Variants in ZNF462 observed in about 807,000 individuals in gnomAD.
ZNF462 encodes the protein zinc finger PBX1-interacting protein.
ZNF462 carries 10 observed loss-of-function variants against 201.9 expected under a neutral mutation model. That is an observed-to-expected ratio of 0.05 (90% CI 0.03 to 0.08). ZNF462 has a LOEUF of 0.08. Ranked by LOEUF, ZNF462 falls within the 10% of genes least tolerant of loss-of-function variation. ZNF462 has a pLI of 1.00. For synonymous variants in ZNF462, 1,227 were observed against 1,193.3 expected (o/e 1.03, Z -0.58); for missense variants, 2,523 against 3,168.3 (o/e 0.80, Z 4.89).
intron 1 of ZNF462, among the ~76,000 whole-genome samples, chr9:106,922,239 GAAGT>G (rs1229882313): frequency 6.6e-6 from 1 of 152,168 alleles, no homozygotes; most frequent in Non-Finnish European, 1.5e-5. Flanking sequence ...TGATCTTACT[GAAGT>G]AACTTACTCA....
Position 106,984,256 on chromosome 9 carries a change from C to T in ZNF462, c.6903C>T (p.Arg2301=), listed in dbSNP as rs775178120. The T allele has an allele frequency of 3.7e-6, 6 of 1,613,980 alleles. No homozygotes were observed. Among genetic ancestry groups the T allele is most frequent in the Non-Finnish European group, 5.1e-6 (6 of 1,179,994 alleles). ...AATACTTGCAGGGAGTAGTTTTCCG[C>T]TGTGATAAGTGTACCTTCACCTGCT... The part of the protein sequence containing the change: ...LSKYLQGVVF[R]CDKCTFTCSS... The change falls in exon 10 of 13, where the codon CGC becomes CGT. Residue 2301 remains arginine, a synonymous_variant. Coordinates refer to ENST00000277225, the MANE Select transcript of ZNF462 (RefSeq NM_021224.6). This position sits in a 1 kb window ranked among gnomAD's most constrained non-coding sequence, Gnocchi z 6.4.
At chr9:106,888,677 C>T (rs191500816) in intron 1 of ZNF462, among the ~76,000 whole-genome samples, 4 of 152,332 alleles carry the variant, frequency 2.6e-5, no homozygotes, top group African/African-American at 9.6e-5. Context: ...ATCTGTCACT[C>T]TTCCCACCGT....
intron 11 of ZNF462, among the ~76,000 whole-genome samples, chr9:107,004,446 T>C (rs1231099358): frequency 2.0e-5 from 3 of 152,180 alleles, no homozygotes; most frequent in Non-Finnish European, 2.9e-5. Context: ...TGGCTTGGGG[T>C]AAATTATTGT....
At chr9:106,990,982 T>C (rs1421104143) in intron 10 of ZNF462, among the ~76,000 whole-genome samples, 2 of 151,998 alleles carry the variant, frequency 1.3e-5, no homozygotes, top group African/African-American at 4.8e-5. Context: ...ATTTCAGGGT[T>C]CATGAGAGAG....
At chr9:106,904,948 A>C (rs1829206167) in intron 1 of ZNF462, among the ~76,000 whole-genome samples, 1 of 152,004 alleles carries the variant, frequency 6.6e-6, no homozygotes, top group African/African-American at 2.4e-5. Context: ...GTTTGGATCC[A>C]TTGCTGGTGA....
chr9:106,928,528 C>T lies in ZNF462; in HGVS notation c.4616C>T (p.Pro1539Leu). The change falls in exon 3 of 13, where the codon CCG becomes CTG. Residue 1539 changes from proline to leucine, a missense_variant. Pro to Leu is a moderately conservative substitution (Grantham distance 98). Around this residue, in one of 15 missense-constraint regions of ZNF462, gnomAD observed 200 missense variants for 281.3 expected, o/e 0.71. Coordinates refer to ENST00000277225, the MANE Select transcript of ZNF462 (RefSeq NM_021224.6). The surrounding 1 kb of genome is among the most constrained non-coding windows in gnomAD (Gnocchi z 9.3). ...CTGACCCACTACCAGAAGCGACACC[C>T]GTCCATCAAGGTGACCGCTGAGGAC... ...GVLTHYQKRHPSIKVTAEDFV... is the reference protein window; with the variant it reads ...GVLTHYQKRHLSIKVTAEDFV... 1.9e-6 allele frequency: 3 copies of T among 1,613,902 alleles called. No homozygotes were observed. Among genetic ancestry groups the T allele is most frequent in the South Asian group, 1.1e-5 (1 of 91,068 alleles).
chr9:106,969,639 A>AGATGACTAC (rs1380999231), intron 7 of ZNF462, among the ~76,000 whole-genome samples: 1 of 152,156 alleles, frequency 6.6e-6, no homozygotes, highest in Non-Finnish European at 1.5e-5. Context: ...CTGGTATCTG[A>AGATGACTAC]GATGACTACC....
intron 1 of ZNF462, among the ~76,000 whole-genome samples, chr9:106,908,555 A>G (rs1016312238): frequency 1.3e-5 from 2 of 152,034 alleles, no homozygotes; most frequent in African/African-American, 4.8e-5. Flanking sequence ...TGTGTCTCTT[A>G]CAGACAGAAT....
At chr9:106,941,781 C>T (rs1337762475) in intron 7 of ZNF462, among the ~76,000 whole-genome samples, 1 of 152,200 alleles carries the variant, frequency 6.6e-6, no homozygotes, top group Non-Finnish European at 1.5e-5. Flanking sequence ...TGAATCCTTA[C>T]TATAGATTTT....
chr9:106,902,645 G>C lies in ZNF462; in HGVS notation c.-30-20709G>C, dbSNP rs1829111303. 6.6e-6 allele frequency among the ~76,000 whole-genome samples: 1 copy of C among 151,982 alleles called. No individual in the cohort carries two copies. The highest frequency in any genetic ancestry group is 6.6e-5 in the Admixed American group (1 of 15,254). On this transcript the variant is annotated intron_variant, in intron 1 of 12. Coordinates refer to ENST00000277225, the MANE Select transcript of ZNF462 (RefSeq NM_021224.6). The surrounding 1 kb of genome is among the most constrained non-coding windows in gnomAD (Gnocchi z 4.2). Reference sequence around the variant, plus strand: ...GGGTACCTAATTCTTCCTGATTTAAGCTGGGAGGGTTGTATTTTTCCAGGA... The same window carrying C: ...GGGTACCTAATTCTTCCTGATTTAACCTGGGAGGGTTGTATTTTTCCAGGA...
At position 106,870,079 on chromosome 9, in the gene ZNF462, A is replaced by G. The variant is rs1315591261; in HGVS notation, c.-31+6724A>G. On this transcript the variant is annotated intron_variant, in intron 1 of 12. Transcript: ENST00000277225. The surrounding 1 kb of genome is among the most constrained non-coding windows in gnomAD (Gnocchi z 4.3). ...TCTCATCAGCTGAAGCACGTACAGG[A>G]TTTTTAAAGTGTTTGGATGTGTGAT... 6.6e-6 allele frequency among the ~76,000 whole-genome samples: 1 copy of G among 152,186 alleles called. No individual in the cohort carries two copies. Among genetic ancestry groups the G allele is most frequent in the Admixed American group, 6.5e-5 (1 of 15,284 alleles).
rs1463032613 is a variant in ZNF462, at chr9:106,932,609, C to CT, written c.6116+61dup. Reference sequence around the variant, plus strand: ...GGAGATGATGTCATAGTGGAAGGCACTAAGCTAAAGCAGAAGCTTGGATGA... The same window carrying CT: ...GGAGATGATGTCATAGTGGAAGGCACTTAAGCTAAAGCAGAAGCTTGGATGA... On this transcript the variant is annotated intron_variant, in intron 5 of 12. Coordinates refer to ENST00000277225, the MANE Select transcript of ZNF462 (RefSeq NM_021224.6). This position sits in a 1 kb window ranked among gnomAD's most constrained non-coding sequence, Gnocchi z 6.8. 6.2e-7 allele frequency: 1 copy of CT among 1,609,932 alleles called. No homozygotes were observed. Among genetic ancestry groups the CT allele is most frequent in the African/African-American group, 1.3e-5 (1 of 74,892 alleles).
intron 1 of ZNF462, among the ~76,000 whole-genome samples, chr9:106,918,088 A>T (rs1829850229): frequency 6.6e-6 from 1 of 151,584 alleles, no homozygotes. Context: ...TGTTGACCAG[A>T]CTGGTCTCGA....
At position 106,930,856 on chromosome 9, in the gene ZNF462, C is replaced by T; in HGVS notation, c.6012+167C>T. On this transcript the variant is annotated intron_variant, in intron 4 of 12. Transcript: ENST00000277225. This position sits in a 1 kb window ranked among gnomAD's most constrained non-coding sequence, Gnocchi z 5.8. Reference sequence around the variant, plus strand: ...TGATTTCTTTGCAGGTTGGACCTTCCTCATCTTTCTGTTCAGGGAAAGGTC... The same window carrying T: ...TGATTTCTTTGCAGGTTGGACCTTCTTCATCTTTCTGTTCAGGGAAAGGTC... The T allele has an allele frequency of 1.3e-6, 1 of 765,194 alleles. No individual in the cohort carries two copies. The allele number at this position is 765,194 out of a possible 1,614,324, so 47.4% of individuals were successfully genotyped here.
chr9:106,949,464 T>C (rs1588105109), intron 7 of ZNF462, among the ~76,000 whole-genome samples: 1 of 152,346 alleles, frequency 6.6e-6, no homozygotes, highest in East Asian at 1.9e-4. Flanking sequence ...CCCATGTTAC[T>C]GCACTTTTCA....
chr9:106,998,880 A>G (rs1828948648), intron 10 of ZNF462, among the ~76,000 whole-genome samples: 1 of 152,098 alleles, frequency 6.6e-6, no homozygotes, highest in South Asian at 2.1e-4. Context: ...AAGTGCTGGG[A>G]TTACAGGCGT....
At position 106,966,833 on chromosome 9, in the gene ZNF462, A is replaced by G. The variant is rs900899062; in HGVS notation, c.6428-5172A>G. Among the ~76,000 whole-genome samples, 2 of 152,128 alleles carry G rather than the reference A, an allele frequency of 1.3e-5. No homozygotes were observed. The highest frequency in any genetic ancestry group is 4.8e-5 in the African/African-American group (2 of 41,440). On this transcript the variant is annotated intron_variant, in intron 7 of 12. Transcript: ENST00000277225. This position sits in a 1 kb window ranked among gnomAD's most constrained non-coding sequence, Gnocchi z 4.4. ...CTTGGTACTTGATTCACACTGACCA[A>G]CAAGCCTGTCTTCCAAGTCTGCACA...
chr9:106,944,303 G>A (rs1169219200), intron 7 of ZNF462, among the ~76,000 whole-genome samples: 2 of 152,130 alleles, frequency 1.3e-5, no homozygotes, highest in Non-Finnish European at 1.5e-5. Flanking sequence ...TCAATGAGTA[G>A]AGCTTTCTAT....
chr9:106,930,955 GC>G lies in ZNF462; in HGVS notation c.6012+267del. 1 of 353,508 alleles carries G rather than the reference GC, an allele frequency of 2.8e-6. No homozygotes were observed. The highest frequency in any genetic ancestry group is 3.8e-5 in the Admixed American group (1 of 26,278). The allele number at this position is 353,508 out of a possible 1,614,324, so 21.9% of individuals were successfully genotyped here. ...AGGTCCAGGATTCTCGGTCTAGGAG[GC>G]TTCGGGTCGTCCTTCTATTCTGCGT... On this transcript the variant is annotated intron_variant, in intron 4 of 12. Coordinates refer to ENST00000277225, the MANE Select transcript of ZNF462 (RefSeq NM_021224.6). This position sits in a 1 kb window ranked among gnomAD's most constrained non-coding sequence, Gnocchi z 5.8.
Sources: gnomAD v4.1 joint callset for allele counts (sites outside exome capture counted in the v4.1 genomes callset) on GRCh38, gnomAD v4.1.1 for gene constraint, gnomAD v4.1.1 regional missense constraint, Gnocchi (gnomAD v3.1) non-coding constraint, MANE v1.5 for transcripts, NCBI Gene and HGNC (gene_info 2026-07-23, HGNC 2026-07-21) for gene names.